Variants in SP140 observed in about 807,000 individuals in gnomAD.
The protein encoded by SP140 is SP140 nuclear body protein.
Under a neutral mutation model 125.0 loss-of-function variants are expected in SP140, and 81 were observed. The ratio of observed to expected loss-of-function variants is 0.65; its 90% CI spans 0.54 to 0.78. SP140 has a LOEUF of 0.78. Among genes scored for constraint, SP140 ranks in the 30% least tolerant of loss-of-function variants. SP140 has a pLI of 0.00. For synonymous variants in SP140, 312 were observed against 354.0 expected (o/e 0.88, Z 1.33); for missense variants, 858 against 1,037.0 (o/e 0.83, Z 2.37).
chr2:230,194,953 C>G, the SP140 span, among the ~76,000 whole-genome samples: 1 of 152,178 alleles, frequency 6.6e-6, no homozygotes, highest in African/African-American at 2.4e-5. Flanking sequence ...GTGCTCCAGG[C>G]ACATGTGGCT....
chr2:230,253,221 C>T (rs934611876), intron 10 of SP140, 95 bp from the exon 11 acceptor site: 49 of 838,440 alleles, frequency 5.8e-5, no homozygotes, highest in Non-Finnish European at 8.0e-5. Context: ...GGAGAAAAGG[C>T]GGAACAAGAC....
chr2:230,261,403 G>C (rs1248747056), intron 12 of SP140, among the ~76,000 whole-genome samples: 1 of 152,124 alleles, frequency 6.6e-6, no homozygotes, highest in Non-Finnish European at 1.5e-5. Flanking sequence ...AGCAAACAGT[G>C]AGAATTTGAC....
intron 22 of SP140, among the ~76,000 whole-genome samples, chr2:230,302,754 G>A (rs907621844): frequency 7.2e-5 from 11 of 152,116 alleles, no homozygotes; most frequent in Admixed American, 2.6e-4. Flanking sequence ...GCTCCAAAAG[G>A]AACCCTCAAA....
rs990890816 is a variant in SP140 at position 230,312,749 on chromosome 2, C to G, written c.*65C>G. On this transcript the variant is annotated 3_prime_UTR_variant, in exon 27 of 27. Coordinates refer to ENST00000392045, the MANE Select transcript of SP140 (RefSeq NM_007237.5). ...CCTAAAATATGCCGCTGGTTTGCCA[C>G]TGACTTCAAAATGAGGTCACTTGGG... 4.8e-6 allele frequency: 6 copies of G among 1,251,232 alleles called. No homozygotes were observed. The Admixed American group carries it at 6.9e-5, about 14-fold the overall frequency. 77.5% of individuals were successfully genotyped at this position (1,251,232 alleles called of 1,614,324 possible). A position where few individuals can be genotyped will look rare whatever the true frequency, so the allele number is the denominator to read the frequency against.
chr2:230,302,884 C>G (rs1440955105), intron 22 of SP140, among the ~76,000 whole-genome samples: 2 of 152,054 alleles, frequency 1.3e-5, no homozygotes, highest in Non-Finnish European at 2.9e-5. Context: ...CACAAGCTAT[C>G]AAAACCTCTG....
At chr2:230,279,867 C>T (rs2055269964) in intron 15 of SP140, among the ~76,000 whole-genome samples, 1 of 109,462 alleles carries the variant, frequency 9.1e-6, no homozygotes, top group Admixed American at 8.8e-5. Flanking sequence ...AAGTAATCCT[C>T]CTGCCTCAGA....
At position 230,312,865 on chromosome 2, in the gene SP140, C is replaced by T; in HGVS notation, c.*181C>T. 2.3e-5 allele frequency: 12 copies of T among 520,020 alleles called. No individual in the cohort carries two copies. In the South Asian group the frequency reaches 2.3e-4, roughly 10 times the overall value. The allele number at this position is 520,020 out of a possible 1,614,324, so 32.2% of individuals were successfully genotyped here. Reference sequence around the variant, plus strand: ...AAGGAAATTCAATCATCATGAATCACAACCCCAAGTATCTCATCAGCCAGG... The same window carrying T: ...AAGGAAATTCAATCATCATGAATCATAACCCCAAGTATCTCATCAGCCAGG... On this transcript the variant is annotated 3_prime_UTR_variant, in exon 27 of 27. Transcript: ENST00000392045.
chr2:230,238,549 G>A (rs2048292418), intron 3 of SP140, 168 bp downstream of exon 3: 1 of 771,396 alleles, frequency 1.3e-6, no homozygotes, highest in East Asian at 2.7e-5. Flanking sequence ...TGTCCTTATG[G>A]AGTTTACATA....
intron 22 of SP140, among the ~76,000 whole-genome samples, chr2:230,298,650 A>G (rs1436837011): frequency 6.6e-6 from 1 of 152,220 alleles, no homozygotes; most frequent in Non-Finnish European, 1.5e-5. Flanking sequence ...CAGTAACAAC[A>G]TTGACTTATA....
At chr2:230,256,739 A>T (rs1258020624) in intron 12 of SP140, among the ~76,000 whole-genome samples, 1 of 152,196 alleles carries the variant, frequency 6.6e-6, no homozygotes, top group Non-Finnish European at 1.5e-5. Context: ...GCTGGTAGAT[A>T]CTTTTTTATG....
At chr2:230,215,177 C>T in intron 3 of SP140, 1 of 1,365,614 alleles carries the variant, frequency 7.3e-7, no homozygotes, top group South Asian at 1.2e-5. Context: ...GGAAGTTATA[C>T]ATTTATGGTT....
chr2:230,291,115 T>G (rs930994577), intron 19 of SP140, among the ~76,000 whole-genome samples: 3 of 152,168 alleles, frequency 2.0e-5, no homozygotes, highest in Non-Finnish European at 4.4e-5. Context: ...AATTTGCATA[T>G]TGATGTAAAA....
chr2:230,221,901 C>T (rs967485118), upstream of SP140: 22 of 639,766 alleles, frequency 3.4e-5, no homozygotes, highest in African/African-American at 7.3e-5. Context: ...AAGACAGCTG[C>T]GAATGAGGAT....
chr2:230,225,176 C>T (rs556942851), upstream of SP140, among the ~76,000 whole-genome samples: 11 of 152,316 alleles, frequency 7.2e-5, no homozygotes, highest in South Asian at 1.7e-3. Context: ...CCCCTGGCTG[C>T]TGTTGTAAAG....
intron 1 of SP140, chr2:230,230,440 C>T: frequency 6.6e-6 from 1 of 152,188 alleles, no homozygotes; most frequent in East Asian, 1.9e-4. Flanking sequence ...ATGTGACCTC[C>T]AGCTACATGA....
At chr2:230,273,655 A>C (rs1368313707) in intron 15 of SP140, among the ~76,000 whole-genome samples, 1 of 152,210 alleles carries the variant, frequency 6.6e-6, no homozygotes, top group African/African-American at 2.4e-5. Context: ...ATGTATGCTT[A>C]TCTCAGCACT....
intron 1 of SP140, among the ~76,000 whole-genome samples, chr2:230,208,705 T>C (rs894623720): frequency 6.6e-6 from 1 of 152,088 alleles, no homozygotes; most frequent in Admixed American, 6.5e-5. Context: ...TAAGGAGAGA[T>C]GATTTGTGCT....
At chr2:230,244,859 G>A in intron 5 of SP140, 129 bp from the exon 6 acceptor site, 1 of 604,804 alleles carries the variant, frequency 1.7e-6, no homozygotes, top group Non-Finnish European at 3.0e-6. Flanking sequence ...CTGTGGCGGG[G>A]CTCAGGCGAG....
At chr2:230,255,077 C>T (rs1321170692) in intron 11 of SP140, among the ~76,000 whole-genome samples, 1 of 151,722 alleles carries the variant, frequency 6.6e-6, no homozygotes, top group Non-Finnish European at 1.5e-5. Flanking sequence ...GTCAGGGGTG[C>T]AAGAGAAAAG....
Sources: gnomAD v4.1 joint callset for allele counts (sites outside exome capture counted in the v4.1 genomes callset) on GRCh38, gnomAD v4.1.1 for gene constraint, MANE v1.5 for transcripts, NCBI Gene and HGNC (gene_info 2026-07-23, HGNC 2026-07-21) for gene names.